Variants in SLC9C1 observed in about 807,000 individuals in gnomAD.
SLC9C1 encodes solute carrier family 9 member C1.
In SLC9C1, 97 loss-of-function variants were observed where a neutral mutation model predicts 140.9. That is an observed-to-expected ratio of 0.69 (90% CI 0.58 to 0.82). The LOEUF is 0.82. Ranked by LOEUF, SLC9C1 falls within the 40% of genes least tolerant of loss-of-function variation. The pLI is 0.00. For synonymous variants in SLC9C1, 440 were observed against 442.6 expected (o/e 0.99, Z 0.07); for missense variants, 1,340 against 1,389.3 (o/e 0.96, Z 0.56).
intron 18 of SLC9C1, 133 bp downstream of exon 18, chr3:112,202,117 G>T: frequency 9.9e-7 from 1 of 1,009,212 alleles, no homozygotes; most frequent in Non-Finnish European, 1.5e-6. Context: ...ATGTAACCTA[G>T]TTTAAGTTTT....
chr3:112,287,969 G>T (rs28448850), intron 1 of SLC9C1, among the ~76,000 whole-genome samples: 1 of 150,642 alleles, frequency 6.6e-6, no homozygotes, highest in African/African-American at 2.4e-5. Flanking sequence ...CGTGAACCGG[G>T]GAGGCGGAGC....
chr3:112,211,561 C>T (rs2078205404), intron 15 of SLC9C1, among the ~76,000 whole-genome samples: 1 of 152,256 alleles, frequency 6.6e-6, no homozygotes, highest in Non-Finnish European at 1.5e-5. Flanking sequence ...GAGATTATAT[C>T]CCGCACCTGG....
intron 15 of SLC9C1, among the ~76,000 whole-genome samples, chr3:112,215,742 G>T (rs533508206): frequency 3.3e-5 from 5 of 152,250 alleles, no homozygotes; most frequent in African/African-American, 1.2e-4. Context: ...CATGCTCTGG[G>T]GTAGGAAGAA....
At chr3:112,277,976 G>T in intron 4 of SLC9C1, 116 bp from the exon 5 acceptor site, 1 of 807,552 alleles carries the variant, frequency 1.2e-6, no homozygotes, top group Non-Finnish European at 1.8e-6. Flanking sequence ...GTACCCACCA[G>T]CAGACACAGG....
intron 28 of SLC9C1, among the ~76,000 whole-genome samples, chr3:112,142,563 T>G (rs1033048385): frequency 5.9e-5 from 9 of 152,200 alleles, no homozygotes; most frequent in African/African-American, 1.9e-4. Flanking sequence ...CAGCACCTCC[T>G]TGTATTTCCT....
In SLC9C1 at chr3:112,277,871, A is replaced by G. The variant is rs759450555; in HGVS notation, c.319-11T>C. Reference sequence around the variant, plus strand: ...TGAAATTAAAAGTATCTGCAAAGAAATTTTACAATTAGAAAAATCAGACTG... The same window carrying G: ...TGAAATTAAAAGTATCTGCAAAGAAGTTTTACAATTAGAAAAATCAGACTG... On this transcript the variant is annotated splice_polypyrimidine_tract_variant and intron_variant, in intron 4 of 28. Coordinates refer to ENST00000305815, the MANE Select transcript of SLC9C1 (RefSeq NM_183061.3). The G allele has an allele frequency of 5.7e-6, 9 of 1,587,496 alleles. No individual in the cohort carries two copies. The highest frequency in any genetic ancestry group is 6.8e-6 in the Non-Finnish European group (8 of 1,168,822).
In SLC9C1 at chr3:112,182,973, C is replaced by T. The variant is rs186608690; in HGVS notation, c.2524-715G>A. Among the ~76,000 whole-genome samples the T allele has an allele frequency of 2.9e-3, 441 of 152,248 alleles. 5 individuals carry two copies. The highest frequency in any genetic ancestry group is 0.01 in the African/African-American group (429 of 41,558). On this transcript the variant is annotated intron_variant, in intron 20 of 28. Coordinates refer to ENST00000305815, the MANE Select transcript of SLC9C1 (RefSeq NM_183061.3). ...TTTATTTTCATCGTTGTATAGTATT[C>T]GGTTGTATGGATACCACAGCTTTAT...
intron 26 of SLC9C1, among the ~76,000 whole-genome samples, chr3:112,165,973 G>A (rs2077124789): frequency 6.6e-6 from 1 of 152,160 alleles, no homozygotes; most frequent in Admixed American, 6.5e-5. Flanking sequence ...GCAATGGCGG[G>A]TCCCCCTCCC....
chr3:112,149,911 A>T (rs1200110978), intron 28 of SLC9C1, among the ~76,000 whole-genome samples: 3 of 152,166 alleles, frequency 2.0e-5, no homozygotes, highest in East Asian at 3.9e-4. Context: ...GGTTGAGCAG[A>T]AAGGGCCCCA....
rs141945754 is a variant in SLC9C1 at position 112,209,922 on chromosome 3, A to G, written c.1791-1549T>C. ...CAATGCTACCCAAAGCAATCTACAG[A>G]TTAAATTAAATCCTATAAAAATCTT... On this transcript the variant is annotated intron_variant, in intron 15 of 28. Transcript: ENST00000305815. Among the ~76,000 whole-genome samples, 301 of 152,344 alleles carry G rather than the reference A, an allele frequency of 2.0e-3. 1 individual carries two copies. Among genetic ancestry groups the G allele is most frequent in the African/African-American group, 6.4e-3 (266 of 41,586 alleles).
intron 28 of SLC9C1, among the ~76,000 whole-genome samples, chr3:112,146,132 G>A (rs1301356698): frequency 6.6e-6 from 1 of 151,770 alleles, no homozygotes; most frequent in Non-Finnish European, 1.5e-5. Flanking sequence ...AGTCTCCAAG[G>A]ATCTTTTGTA....
Position 112,275,117 on chromosome 3 carries a change from G to C in SLC9C1, c.485-92C>G, listed in dbSNP as rs116065684. 1,592 of 1,346,828 alleles carry C rather than the reference G, an allele frequency of 1.2e-3. 19 individuals carry two copies. In the African/African-American group the frequency reaches 0.022, roughly 19 times the overall value. The allele number at this position is 1,346,828 out of a possible 1,614,324, so 83.4% of individuals were successfully genotyped here. A position where few individuals can be genotyped will look rare whatever the true frequency, so the allele number is the denominator to read the frequency against. The stretch of plus-strand genomic sequence containing the variant: ...AATACAATTTTCTTAGCAACTATAA[G>C]GATGGTCTTAGCTATGGATTTACTG... On this transcript the variant is annotated intron_variant, in intron 5 of 28. Coordinates refer to ENST00000305815, the MANE Select transcript of SLC9C1 (RefSeq NM_183061.3).
intron 6 of SLC9C1, among the ~76,000 whole-genome samples, chr3:112,270,483 A>G (rs13090086): frequency 0.3 from 45,102 of 152,124 alleles, 7,250 homozygotes; most frequent in East Asian, 0.43. Flanking sequence ...GCATTTCCCT[A>G]ATGTTTAGTG....
intron 11 of SLC9C1, among the ~76,000 whole-genome samples, chr3:112,240,226 G>C (rs762757633): frequency 6.6e-6 from 1 of 152,188 alleles, no homozygotes; most frequent in Non-Finnish European, 1.5e-5. Flanking sequence ...AATGTTTATT[G>C]AGTGCTTACT....
intron 10 of SLC9C1, among the ~76,000 whole-genome samples, chr3:112,255,852 A>G (rs1258517165): frequency 6.6e-6 from 1 of 152,138 alleles, no homozygotes; most frequent in Non-Finnish European, 1.5e-5. Context: ...AGACTAATAA[A>G]GAAGAGAACA....
chr3:112,167,997 G>A (rs1174558079), intron 25 of SLC9C1, among the ~76,000 whole-genome samples: 3 of 152,104 alleles, frequency 2.0e-5, no homozygotes, highest in East Asian at 3.9e-4. Context: ...AAATTTTCTT[G>A]TGATCCTTTC....
chr3:112,156,980 C>T (rs2107870730), intron 26 of SLC9C1, among the ~76,000 whole-genome samples: 1 of 152,208 alleles, frequency 6.6e-6, no homozygotes, highest in South Asian at 2.1e-4. Flanking sequence ...GTTGTCTCTT[C>T]ACTTTGTAGA....
At chr3:112,288,571 A>T (rs1405821433) in intron 1 of SLC9C1, among the ~76,000 whole-genome samples, 1 of 152,332 alleles carries the variant, frequency 6.6e-6, no homozygotes, top group East Asian at 1.9e-4. Context: ...AGGCTGGGCA[A>T]CATAGCAAGC....
At chr3:112,180,716 G>A in intron 21 of SLC9C1, 54 bp from the exon 22 acceptor site, 1 of 1,441,504 alleles carries the variant, frequency 6.9e-7, no homozygotes. Flanking sequence ...GAAGTGGTTG[G>A]GAATGTTAAA....
Sources: allele counts gnomAD v4.1 joint callset (sites outside exome capture counted in the v4.1 genomes callset), GRCh38; gene constraint gnomAD v4.1.1; transcripts MANE v1.5; gene names NCBI Gene and HGNC (gene_info 2026-07-23, HGNC 2026-07-21).